The following APBB2 variants were observed in gnomAD, a reference collection of about 807,000 sequenced individuals.
APBB2 encodes Fe65-like 1.
Under a neutral mutation model 82.5 loss-of-function variants are expected in APBB2, and 38 were observed. The observed-to-expected ratio is 0.46, with a 90% CI of 0.36 to 0.60. The LOEUF (loss-of-function observed/expected upper bound fraction) is 0.60, where lower values mean the gene tolerates loss of function less well. Ranked by LOEUF, APBB2 falls within the 20% of genes least tolerant of loss-of-function variation. The probability of loss-of-function intolerance (pLI) is 0.00; values close to 1 mark genes in which losing one functional copy is unlikely to be tolerated. For synonymous variants in APBB2, 341 were observed against 368.2 expected (o/e 0.93, Z 0.85); for missense variants, 772 against 972.3 (o/e 0.79, Z 2.74).
At chr4:41,190,130 C>T (rs1444429464) in intron 1 of APBB2, among the ~76,000 whole-genome samples, 1 of 151,338 alleles carries the variant, frequency 6.6e-6, no homozygotes, top group Non-Finnish European at 1.5e-5. Context: ...GTGTTATAAT[C>T]CTTGAAGAAA....
rs10025369 is a variant in APBB2, at chr4:41,014,467, T to C, written c.20-69A>G. ...ACTTAGTATACAGTGTGAGTAAATA[T>C]TTTTATATAGAAAACTAAAAGAAGA... On this transcript the variant is annotated intron_variant, in intron 5 of 17. Transcript: ENST00000508593. 269,923 of 1,384,424 alleles carry C rather than the reference T, an allele frequency of 0.19. 27,670 individuals carry two copies. The highest frequency in any genetic ancestry group is 0.21 in the Non-Finnish European group (211,509 of 995,144). 85.8% of individuals were successfully genotyped at this position (1,384,424 alleles called of 1,614,324 possible).
intron 1 of APBB2, among the ~76,000 whole-genome samples, chr4:41,169,821 TA>T (rs1026859070): frequency 1.5e-4 from 23 of 149,860 alleles, no homozygotes; most frequent in Non-Finnish European, 2.8e-4. Context: ...CAAAAACGAA[TA>T]GGGGGGGAAA....
intron 6 of APBB2, among the ~76,000 whole-genome samples, chr4:40,962,098 T>G (rs980982704): frequency 1.3e-5 from 2 of 152,204 alleles, no homozygotes; most frequent in Admixed American, 6.5e-5. Flanking sequence ...ACCTGTGGAA[T>G]AGCTTGGTTT....
At chr4:40,822,154 T>C (rs1748211890) in intron 16 of APBB2, 104 bp from the exon 17 acceptor site, 2 of 1,358,808 alleles carry the variant, frequency 1.5e-6, no homozygotes, top group Admixed American at 1.9e-5. Flanking sequence ...CAGGCCGAAT[T>C]CAGAAAGGAC....
intron 10 of APBB2, among the ~76,000 whole-genome samples, chr4:40,918,742 T>G (rs369683010): frequency 7.9e-6 from 1 of 126,376 alleles, no homozygotes; most frequent in Admixed American, 7.8e-5. Flanking sequence ...CCCTCCCTCC[T>G]TCCTTATTTT....
intron 10 of APBB2, among the ~76,000 whole-genome samples, chr4:40,901,705 T>A (rs551574213): frequency 6.6e-6 from 1 of 152,226 alleles, no homozygotes; most frequent in Admixed American, 6.5e-5. Context: ...AGATGGGGTT[T>A]CACCATGTTG....
chr4:41,188,143 C>T (rs1457222587), intron 1 of APBB2, among the ~76,000 whole-genome samples: 4 of 152,072 alleles, frequency 2.6e-5, no homozygotes, highest in Non-Finnish European at 4.4e-5. Context: ...TGGAGGTTGG[C>T]TTGTAGAAAA....
At position 40,896,054 on chromosome 4, in the gene APBB2, G is replaced by A. The variant is rs575750435; in HGVS notation, c.1255-2643C>T. 1.4e-3 allele frequency among the ~76,000 whole-genome samples: 206 copies of A among 151,350 alleles called. 2 individuals are homozygous for A. The highest frequency in any genetic ancestry group is 4.7e-3 in the African/African-American group (195 of 41,306). On this transcript the variant is annotated intron_variant, in intron 10 of 17. Transcript: ENST00000508593. The stretch of plus-strand genomic sequence containing the variant: ...AAACAAGGCTGGATAAACAGCCGGT[G>A]ACCTCAATACAGTTCTTTTTTTTTT...
At chr4:40,913,348 G>A (rs920275982) in intron 10 of APBB2, among the ~76,000 whole-genome samples, 3 of 152,206 alleles carry the variant, frequency 2.0e-5, no homozygotes, top group South Asian at 2.1e-4. Flanking sequence ...ACTGTTTGCC[G>A]TAAGCATGCT....
intron 12 of APBB2, 127 bp from the exon 13 acceptor site, chr4:40,830,704 G>A: frequency 1.6e-6 from 1 of 611,874 alleles, no homozygotes; most frequent in Non-Finnish European, 2.9e-6. Flanking sequence ...ATGATTAAAA[G>A]AAAAATTAAA....
intron 10 of APBB2, among the ~76,000 whole-genome samples, chr4:40,916,103 T>C (rs1779769375): frequency 6.6e-6 from 1 of 152,190 alleles, no homozygotes. Context: ...GGCATGGTAA[T>C]TGCAGAAGAG....
chr4:41,105,643 A>G (rs931012699), intron 2 of APBB2, among the ~76,000 whole-genome samples: 4 of 152,118 alleles, frequency 2.6e-5, no homozygotes, highest in Admixed American at 6.5e-5. Flanking sequence ...CCAGCACTCT[A>G]GGAGGCCAAG....
intron 1 of APBB2, among the ~76,000 whole-genome samples, chr4:41,209,027 T>G (rs891037338): frequency 6.6e-6 from 1 of 152,128 alleles, no homozygotes; most frequent in Non-Finnish European, 1.5e-5. Context: ...CTGATCAAGC[T>G]TCTTACTTCC....
At chr4:41,061,613 G>A (rs921529419) in intron 4 of APBB2, among the ~76,000 whole-genome samples, 3 of 152,228 alleles carry the variant, frequency 2.0e-5, no homozygotes, top group African/African-American at 7.2e-5. Context: ...GTCCATCATA[G>A]ATTGAAACAT....
In APBB2 at chr4:41,205,484, T is replaced by C. The variant is rs181686684; in HGVS notation, c.-417+8921A>G. ...GAAAAGCTCATTAAGGGCATAAATT[T>C]GGGTCCCTGGGAAAAAAGGGATGAA... is the stretch of plus-strand genomic sequence containing the variant. On this transcript the variant is annotated intron_variant, in intron 1 of 17. Coordinates refer to ENST00000508593, the MANE Select transcript of APBB2 (RefSeq NM_004307.2). 2.2e-3 allele frequency among the ~76,000 whole-genome samples: 328 copies of C among 152,206 alleles called. 1 individual carries two copies. The highest frequency in any genetic ancestry group is 6.8e-3 in the Middle Eastern group (2 of 294).
At chr4:40,976,742 T>C (rs1209565105) in intron 6 of APBB2, among the ~76,000 whole-genome samples, 1 of 152,226 alleles carries the variant, frequency 6.6e-6, no homozygotes, top group Admixed American at 6.5e-5. Flanking sequence ...TGAACATTAA[T>C]TTCCTATTTA....
At chr4:40,931,610 C>T (rs1182227342) in intron 10 of APBB2, among the ~76,000 whole-genome samples, 1 of 152,124 alleles carries the variant, frequency 6.6e-6, no homozygotes, top group African/African-American at 2.4e-5. Flanking sequence ...GCTAAAAATC[C>T]TCAGGTTAAA....
At position 40,832,793 on chromosome 4, in the gene APBB2, T is replaced by C. The variant is rs1016753463; in HGVS notation, c.1530-2216A>G. On this transcript the variant is annotated intron_variant, in intron 12 of 17. Transcript: ENST00000508593. This position sits in a 1 kb window ranked among gnomAD's most constrained non-coding sequence, Gnocchi z 4.8. ...CACTCTGCAGCTCCATGAAGACGAC[T>C]GTGCCTAACTCATCCCAGCGTCTAG... Among the ~76,000 whole-genome samples the C allele has an allele frequency of 6.6e-6, 1 of 152,232 alleles. No homozygotes were observed. The highest frequency in any genetic ancestry group is 1.9e-4 in the East Asian group (1 of 5,196).
At chr4:41,158,280 C>T (rs530338124) in intron 1 of APBB2, among the ~76,000 whole-genome samples, 1 of 152,308 alleles carries the variant, frequency 6.6e-6, no homozygotes. Flanking sequence ...ATGAAAATTA[C>T]ATCCATTTCC....
Sources: allele counts gnomAD v4.1 joint callset (sites outside exome capture counted in the v4.1 genomes callset), GRCh38; gene constraint gnomAD v4.1.1; non-coding constraint Gnocchi (gnomAD v3.1); transcripts MANE v1.5; gene names NCBI Gene and HGNC (gene_info 2026-07-23, HGNC 2026-07-21).